Variants in MYO3B observed in about 807,000 individuals in gnomAD.
MYO3B encodes the protein myosin-IIIb.
A neutral mutation model predicts 174.6 loss-of-function variants in MYO3B; 156 were observed. That is an observed-to-expected ratio of 0.89 (90% CI 0.78 to 1.02). MYO3B has a LOEUF of 1.02. MYO3B is among the 50% of genes least tolerant of loss of function. The probability of loss-of-function intolerance (pLI) is 0.00; values close to 1 mark genes in which losing one functional copy is unlikely to be tolerated. For missense variants in MYO3B, 1,632 were observed against 1,639.4 expected (o/e 1.00, Z 0.08); for synonymous variants, 563 against 569.1 (o/e 0.99, Z 0.15).
At chr2:170,194,760 T>G (rs553898736) in intron 1 of MYO3B, among the ~76,000 whole-genome samples, 1 of 152,194 alleles carries the variant, frequency 6.6e-6, no homozygotes, top group South Asian at 2.1e-4. Context: ...CATCTGCAAG[T>G]TGAGGAGCAA....
intron 8 of MYO3B, among the ~76,000 whole-genome samples, chr2:170,354,168 T>A (rs950325814): frequency 6.6e-6 from 1 of 152,252 alleles, no homozygotes; most frequent in Non-Finnish European, 1.5e-5. Flanking sequence ...TGCTAGGCAT[T>A]GCCTGTTGAA....
chr2:170,268,764 A>G (rs544666051), intron 7 of MYO3B, among the ~76,000 whole-genome samples: 43 of 152,270 alleles, frequency 2.8e-4, no homozygotes, highest in African/African-American at 1.0e-3. Context: ...CATATAACAG[A>G]TAAAAATTAA....
At chr2:170,556,305 T>C (rs1483062120) in intron 32 of MYO3B, among the ~76,000 whole-genome samples, 1 of 152,218 alleles carries the variant, frequency 6.6e-6, no homozygotes, top group East Asian at 1.9e-4. Context: ...ACATTTGTGT[T>C]CAGGTTTTGG....
At chr2:170,357,721 G>A (rs1213737144) in intron 8 of MYO3B, among the ~76,000 whole-genome samples, 3 of 152,048 alleles carry the variant, frequency 2.0e-5, no homozygotes, top group Non-Finnish European at 2.9e-5. Flanking sequence ...TATGATTTTG[G>A]AAAACAGTCT....
chr2:170,185,956 G>C (rs1397330328), intron 1 of MYO3B, among the ~76,000 whole-genome samples: 2 of 152,112 alleles, frequency 1.3e-5, no homozygotes, highest in South Asian at 4.1e-4. Context: ...TTGGAATATA[G>C]AAATGCTACC....
chr2:170,352,275 CT>C (rs1182239959), intron 8 of MYO3B, among the ~76,000 whole-genome samples: 1 of 152,056 alleles, frequency 6.6e-6, no homozygotes, highest in Non-Finnish European at 1.5e-5. Flanking sequence ...GGTTTTTGTA[CT>C]CAGAAAGGGG....
intron 32 of MYO3B, among the ~76,000 whole-genome samples, chr2:170,635,610 TA>T (rs1244423423): frequency 1.3e-5 from 2 of 152,178 alleles, no homozygotes; most frequent in African/African-American, 4.8e-5. Context: ...ACTTAAAGTA[TA>T]ATAAAATATA....
intron 32 of MYO3B, among the ~76,000 whole-genome samples, chr2:170,596,181 C>T (rs950102725): frequency 2.0e-5 from 3 of 152,144 alleles, no homozygotes; most frequent in Non-Finnish European, 4.4e-5. Context: ...AAGTTAATTT[C>T]TGGCCAAAAG....
At chr2:170,271,945 A>AC (rs2093428017) in intron 7 of MYO3B, among the ~76,000 whole-genome samples, 1 of 152,130 alleles carries the variant, frequency 6.6e-6, no homozygotes, top group Non-Finnish European at 1.5e-5. Flanking sequence ...AGTATATAAT[A>AC]ATGTGAAAAT....
rs764009844 is a variant in MYO3B, at chr2:170,407,792, G to A, written c.2598G>A (p.Thr866=). Residue 866 remains threonine, a synonymous_variant, in exon 22 of 35, where the codon ACG becomes ACA. Transcript: ENST00000408978. ...LPADVVVVLR[T]SENKLLQQLF... ...CCGATGTGGTTGTGGTCCTGAGAAC[G>A]TCAGAAAACAAGCTTCTTCAGCAGC... 4.6e-5 allele frequency: 74 copies of A among 1,613,962 alleles called. No homozygotes were observed. The highest frequency in any genetic ancestry group is 5.7e-5 in the Non-Finnish European group (67 of 1,179,962).
intron 7 of MYO3B, among the ~76,000 whole-genome samples, chr2:170,247,483 C>G (rs928091836): frequency 6.6e-6 from 1 of 152,188 alleles, no homozygotes; most frequent in African/African-American, 2.4e-5. Flanking sequence ...TCTACCAGGC[C>G]TCATCAAGGT....
At chr2:170,425,198 T>C (rs1558988932) in intron 22 of MYO3B, among the ~76,000 whole-genome samples, 1 of 152,184 alleles carries the variant, frequency 6.6e-6, no homozygotes, top group African/African-American at 2.4e-5. Flanking sequence ...TTAACATTTT[T>C]CCCCAGGAAT....
intron 20 of MYO3B, 49 bp downstream of exon 20, chr2:170,404,449 C>T (rs747880035): frequency 7.8e-6 from 12 of 1,532,240 alleles, no homozygotes; most frequent in Non-Finnish European, 1.1e-5. Flanking sequence ...CAAAACTTGG[C>T]TTGTGTCATC....
rs1172452627 is a variant in MYO3B, at chr2:170,416,539, A to G, written c.2650+8695A>G. Among the ~76,000 whole-genome samples, 5 of 151,232 alleles carry G rather than the reference A, an allele frequency of 3.3e-5. No individual in the cohort carries two copies. The East Asian group carries it at 7.7e-4, about 23-fold the overall frequency. On this transcript the variant is annotated intron_variant, in intron 22 of 34. Transcript: ENST00000408978. Reference sequence around the variant, plus strand: ...CTCCGTCTCAAAAAAAAAAAAAAAAAAAAAGATACCAACTAGATCATGTCA... The same window carrying G: ...CTCCGTCTCAAAAAAAAAAAAAAAAGAAAAGATACCAACTAGATCATGTCA...
chr2:170,420,853 C>CT (rs1281808726), intron 22 of MYO3B, among the ~76,000 whole-genome samples: 1 of 152,082 alleles, frequency 6.6e-6, no homozygotes, highest in Non-Finnish European at 1.5e-5. Context: ...TTCTGCTCCC[C>CT]ACCGACACCC....
chr2:170,586,569 G>T (rs921434247), intron 32 of MYO3B, among the ~76,000 whole-genome samples: 4 of 152,152 alleles, frequency 2.6e-5, no homozygotes, highest in Admixed American at 2.0e-4. Context: ...TAAAAATTTT[G>T]ATGTCTTTTA....
chr2:170,621,774 A>G (rs1426375363), intron 32 of MYO3B, among the ~76,000 whole-genome samples: 1 of 152,066 alleles, frequency 6.6e-6, no homozygotes, highest in African/African-American at 2.4e-5. Flanking sequence ...GGCCTCCCAA[A>G]GTACTGGGGC....
At chr2:170,643,633 T>G (rs1329177541) in intron 32 of MYO3B, 1 of 152,248 alleles carries the variant, frequency 6.6e-6, no homozygotes, top group Non-Finnish European at 1.5e-5. Flanking sequence ...AGGGGATGTT[T>G]CATTTGGCAA....
chr2:170,237,882 G>A (rs754391362), intron 7 of MYO3B, among the ~76,000 whole-genome samples: 3 of 152,170 alleles, frequency 2.0e-5, no homozygotes, highest in Non-Finnish European at 4.4e-5. Flanking sequence ...ACTAGGCAAT[G>A]TCAGCAATAA....
Sources: allele counts gnomAD v4.1 joint callset (sites outside exome capture counted in the v4.1 genomes callset), GRCh38; gene constraint gnomAD v4.1.1; transcripts MANE v1.5; gene names NCBI Gene and HGNC (gene_info 2026-07-23, HGNC 2026-07-21).